KLHDC4: variants seen among roughly 807,000 people sequenced by gnomAD.
KLHDC4 encodes kelch domain-containing protein 4.
In KLHDC4, 90 loss-of-function variants were observed where a neutral mutation model predicts 62.4. That is an observed-to-expected ratio of 1.44 (90% CI 1.22 to 1.72). KLHDC4 has a LOEUF of 1.72. KLHDC4 is among the 40% of genes most tolerant of loss of function. The pLI is 0.00. For synonymous variants in KLHDC4, 386 were observed against 284.4 expected, an observed-to-expected ratio of 1.36 and a Z score of -3.59; for missense variants, 1,025 against 699.7, an observed-to-expected ratio of 1.47 and a Z score of -5.25.
At chr16:87,738,408 C>A (rs1431405741) in intron 5 of KLHDC4, among the ~76,000 whole-genome samples, 1 of 152,058 alleles carries the variant, frequency 6.6e-6, no homozygotes, top group African/African-American at 2.4e-5. Context: ...CAAACAGTAC[C>A]GATCATCTCC....
In KLHDC4 at chr16:87,709,268, G is replaced by C. The variant is rs779531609; in HGVS notation, c.1444C>G (p.Pro482Ala). The change falls in exon 10 of 12, where the codon CCA becomes GCA. Residue 482 changes from proline to alanine, a missense_variant. Physicochemically the swap from Pro to Ala is conservative, Grantham distance 27 (BLOSUM62 -1). Coordinates refer to ENST00000270583, the MANE Select transcript of KLHDC4 (RefSeq NM_017566.4). The stretch of plus-strand genomic sequence containing the variant: ...GGCACCAAGCTGCCTGGCTCACCTG[G>C]GTCCATCTCCACCAAGGCCTTCCAC... ...EAWKALVEMD[P>A]ETQEWLEETD... 1 of 1,606,910 alleles carries C rather than the reference G, an allele frequency of 6.2e-7. No individual in the cohort carries two copies. The highest frequency in any genetic ancestry group is 1.1e-5 in the South Asian group (1 of 90,984).
chr16:87,729,747 G>C (rs889627647), intron 6 of KLHDC4, among the ~76,000 whole-genome samples: 3 of 152,164 alleles, frequency 2.0e-5, no homozygotes, highest in East Asian at 1.9e-4. Flanking sequence ...TGCTCTCCCG[G>C]ACAGGAGTGT....
Position 87,755,262 on chromosome 16 carries a change from T to G in KLHDC4, c.301A>C (p.Asn101His). Residue 101 changes from asparagine (N) to histidine (H), a missense_variant, in exon 4 of 12, where the codon AAT becomes CAT. Coordinates refer to ENST00000270583, the MANE Select transcript of KLHDC4 (RefSeq NM_017566.4). ...TFLYNELYVY[N>H]TRKDTWTKVD... ...TTGGTCCAGGTGTCCTTTCTGGTAT[T>G]GTAGACATAGAGCTCGTTATACAAA... The G allele has an allele frequency of 6.2e-7, 1 of 1,607,524 alleles. No homozygotes were observed.
chr16:87,751,272 G>T (rs150710985), intron 4 of KLHDC4, among the ~76,000 whole-genome samples: 124 of 152,130 alleles, frequency 8.2e-4, no homozygotes, highest in African/African-American at 2.9e-3. Flanking sequence ...TCAGGAGTTT[G>T]AGACCAGCCT....
intron 7 of KLHDC4, among the ~76,000 whole-genome samples, chr16:87,725,671 C>T (rs2039236226): frequency 6.6e-6 from 1 of 152,178 alleles, no homozygotes; most frequent in Non-Finnish European, 1.5e-5. Context: ...GCAACAGGAA[C>T]ACTTGAGTTC....
At chr16:87,765,023 T>TG in intron 1 of KLHDC4, 1 of 428,644 alleles carries the variant, frequency 2.3e-6, no homozygotes, top group South Asian at 1.7e-5. Context: ...GTTCACCTGT[T>TG]GGTCTTCCTG....
intron 3 of KLHDC4, chr16:87,755,841 A>C (rs2044795155): frequency 6.1e-6 from 1 of 163,560 alleles, no homozygotes; most frequent in African/African-American, 2.4e-5. Flanking sequence ...CTGGGATTAC[A>C]GGCATGAGCC....
At chr16:87,765,651 G>C (rs912936341) in intron 1 of KLHDC4, 141 bp downstream of exon 1, 3 of 742,838 alleles carry the variant, frequency 4.0e-6, no homozygotes, top group Non-Finnish European at 6.3e-6. Context: ...CGCGGCGCCG[G>C]GGCAGTTCCT....
intron 5 of KLHDC4, among the ~76,000 whole-genome samples, chr16:87,741,317 G>A (rs1490971888): frequency 2.0e-5 from 3 of 152,220 alleles, no homozygotes; most frequent in African/African-American, 7.2e-5. Context: ...GCCAGTTGGA[G>A]GTCCATGGCC....
chr16:87,714,350 C>T, intron 8 of KLHDC4, 148 bp downstream of exon 8: 2 of 828,658 alleles, frequency 2.4e-6, no homozygotes, highest in Non-Finnish European at 3.2e-6. Flanking sequence ...ACCCGGCCCA[C>T]CCCGAAATGA....
chr16:87,706,571 G>A (rs1451463527), downstream of KLHDC4, among the ~76,000 whole-genome samples: 1 of 152,198 alleles, frequency 6.6e-6, no homozygotes, highest in African/African-American at 2.4e-5. Flanking sequence ...AAGAGGCAGT[G>A]CCCAGAGCCT....
intron 8 of KLHDC4, 59 bp from the exon 9 acceptor site, chr16:87,711,502 C>T (rs924159674): frequency 2.0e-6 from 3 of 1,467,332 alleles, no homozygotes; most frequent in Non-Finnish European, 1.8e-6. Flanking sequence ...TGAGAGCCAG[C>T]CCAGGACACG....
At chr16:87,701,425 C>T in exon 1 of KLHDC4, 1 of 343,274 alleles carries the variant, frequency 2.9e-6, no homozygotes, top group South Asian at 2.2e-5. Context: ...TCTGTTTCTT[C>T]ATGAAACCCA....
chr16:87,761,167 G>A (rs1027472025), intron 2 of KLHDC4, among the ~76,000 whole-genome samples: 1 of 152,216 alleles, frequency 6.6e-6, no homozygotes, highest in African/African-American at 2.4e-5. Context: ...ACTGGCCTTT[G>A]GGAGTGGCTC....
chr16:87,702,495 G>A (rs1383575917), exon 1 of KLHDC4: 16 of 358,282 alleles, frequency 4.5e-5, no homozygotes, highest in Non-Finnish European at 7.2e-5. Flanking sequence ...ACACTTCTCC[G>A]GCAGCAACTT....
intron 6 of KLHDC4, among the ~76,000 whole-genome samples, chr16:87,728,700 G>A (rs1243929944): frequency 3.3e-5 from 5 of 152,102 alleles, no homozygotes; most frequent in African/African-American, 9.7e-5. Flanking sequence ...TGAACATAAG[G>A]CTAGGCGCGG....
chr16:87,730,400 G>C, intron 6 of KLHDC4, 152 bp downstream of exon 6: 10 of 616,064 alleles, frequency 1.6e-5, no homozygotes. Context: ...AGGCCCTTTG[G>C]AGGGCAAGGC....
chr16:87,719,136 G>C (rs540906236), intron 7 of KLHDC4, among the ~76,000 whole-genome samples: 2 of 150,890 alleles, frequency 1.3e-5, no homozygotes, highest in Admixed American at 6.6e-5. Flanking sequence ...GGGAAGTGAG[G>C]ATCTTCCCGG....
chr16:87,744,859 G>A (rs1027211330), intron 5 of KLHDC4, among the ~76,000 whole-genome samples: 2 of 150,804 alleles, frequency 1.3e-5, no homozygotes, highest in Admixed American at 6.7e-5. Flanking sequence ...GCACACACTT[G>A]CAAGTGCACA....
Sources: allele counts gnomAD v4.1 joint callset (sites outside exome capture counted in the v4.1 genomes callset), GRCh38; gene constraint gnomAD v4.1.1; transcripts MANE v1.5; gene names NCBI Gene and HGNC (gene_info 2026-07-23, HGNC 2026-07-21).